NOPCHAP1: variants seen among roughly 807,000 people sequenced by gnomAD.
NOPCHAP1 encodes NOP protein chaperone 1, also known as DNA damage-sensitive RNA 1.
Under a neutral mutation model 14.0 loss-of-function variants are expected in NOPCHAP1, and 13 were observed. The ratio of observed to expected loss-of-function variants is 0.93; its 90% CI spans 0.60 to 1.47. The LOEUF is 1.47. Among genes scored for constraint, NOPCHAP1 ranks in the 40% most tolerant of loss-of-function variants. NOPCHAP1 has a pLI of 0.00. For synonymous variants in NOPCHAP1, 78 were observed against 78.4 expected (o/e 1.00, Z 0.03); for missense variants, 230 against 226.9 (o/e 1.01, Z -0.09).
At chr12:104,986,698 T>G (rs983453437) in intron 1 of NOPCHAP1, among the ~76,000 whole-genome samples, 7 of 152,164 alleles carry the variant, frequency 4.6e-5, no homozygotes, top group African/African-American at 1.7e-4. Context: ...GGTTCTTATA[T>G]TCTGCAAGGT....
chr12:104,986,398 C>A lies in NOPCHAP1; in HGVS notation c.46C>A (p.Pro16Thr), dbSNP rs1419889053. The A allele has an allele frequency of 2.5e-6, 4 of 1,611,894 alleles. No homozygotes were observed. The highest frequency in any genetic ancestry group is 3.3e-5 in the Admixed American group (2 of 59,814). Reference protein sequence around the residue: ...KPKASPSCSSPTRDSSGVPVS... With the variant: ...KPKASPSCSSTTRDSSGVPVS... ...CAAGGCTAGCCCGAGTTGTTCGTCG[C>A]CCACCCGGGATTCCTCAGGAGTCCC... is the stretch of plus-strand genomic sequence containing the variant. The change falls in exon 1 of 4, where the codon CCC becomes ACC. Residue 16 changes from proline (P) to threonine (T), a missense_variant. By Grantham distance (38) the Pro-to-Thr change is conservative. Transcript: ENST00000552951.
At position 104,998,434 on chromosome 12, in the gene NOPCHAP1, G is replaced by C. The variant is rs1873539505; in HGVS notation, c.*3738G>C. On this transcript the variant is annotated 3_prime_UTR_variant, in exon 4 of 4. Coordinates refer to ENST00000552951, the MANE Select transcript of NOPCHAP1 (RefSeq NM_152318.3). The stretch of plus-strand genomic sequence containing the variant: ...TAGTCAACTGGCTTCATTTCTAGAA[G>C]GTTTTCAGGGGCCAAGGCTCAACTC... 1 of 152,114 alleles carries C rather than the reference G, an allele frequency of 6.6e-6. No individual in the cohort carries two copies. The highest frequency in any genetic ancestry group is 2.4e-5 in the African/African-American group (1 of 41,410). The allele number at this position is 152,114 out of a possible 1,614,324, so 9.4% of individuals were successfully genotyped here.
intron 1 of NOPCHAP1, 126 bp downstream of exon 1, chr12:104,986,593 C>A (rs775711979): frequency 3.1e-5 from 23 of 752,778 alleles, no homozygotes; most frequent in Middle Eastern, 4.1e-4. Context: ...GCCCCGGGGA[C>A]TGCTGCGGGG....
At position 105,000,947 on chromosome 12, in the gene NOPCHAP1, G is replaced by A. The variant is rs1044080159; in HGVS notation, c.*6251G>A. ...ATTTCATAAGAAACTAATTTATTTT[G>A]TATTTTCTGTTGGGGTGGATCTAGT... On this transcript the variant is annotated 3_prime_UTR_variant, in exon 4 of 4. Transcript: ENST00000552951. 6.6e-6 allele frequency: 1 copy of A among 151,078 alleles called. No homozygotes were observed. The highest frequency in any genetic ancestry group is 2.4e-5 in the African/African-American group (1 of 41,156). 9.4% of individuals were successfully genotyped at this position (151,078 alleles called of 1,614,324 possible).
Position 104,994,534 on chromosome 12 carries a change from A to G in NOPCHAP1, c.396A>G (p.Glu132=). 5 of 1,613,480 alleles carry G rather than the reference A, an allele frequency of 3.1e-6. No individual in the cohort carries two copies. Among genetic ancestry groups the G allele is most frequent in the Non-Finnish European group, 4.2e-6 (5 of 1,179,620 alleles). Reference sequence around the variant, plus strand: ...ATTCAAAAGAAGTGGACAGTTCAGAAGAGAGTTCACAAGACAGTTCAGAGA... The same window carrying G: ...ATTCAAAAGAAGTGGACAGTTCAGAGGAGAGTTCACAAGACAGTTCAGAGA... The part of the protein sequence containing the change: ...QSDSKEVDSS[E]ESSQDSSENS... Residue 132 remains glutamate, a synonymous_variant, in exon 4 of 4, where the codon GAA becomes GAG. Coordinates refer to ENST00000552951, the MANE Select transcript of NOPCHAP1 (RefSeq NM_152318.3).
chr12:104,988,651 T>G (rs1873302508), intron 2 of NOPCHAP1, among the ~76,000 whole-genome samples: 1 of 152,202 alleles, frequency 6.6e-6, no homozygotes, highest in African/African-American at 2.4e-5. Context: ...GCCAGTTCTC[T>G]TTATTATTCT....
chr12:105,001,142 TA>T lies in NOPCHAP1; in HGVS notation c.*6447del, dbSNP rs1161954684. 2 of 152,138 alleles carry T rather than the reference TA, an allele frequency of 1.3e-5. No homozygotes were observed. The highest frequency in any genetic ancestry group is 4.8e-5 in the African/African-American group (2 of 41,432). The allele number at this position is 152,138 out of a possible 1,614,324, so 9.4% of individuals were successfully genotyped here. On this transcript the variant is annotated 3_prime_UTR_variant, in exon 4 of 4. Transcript: ENST00000552951. ...GTTCGATTAACTGTTTTAGCTGTTT[TA>T]TAACTTGTCCAGTGAAACAGGTTCT... is the stretch of plus-strand genomic sequence containing the variant.
chr12:105,008,706 G>A lies in NOPCHAP1; in HGVS notation c.*14010G>A, dbSNP rs1217507048. ...AGTTTCAGTTTTCTGCATATGGCTA[G>A]CCAGTTTACCCAACACCATTTATTA... On this transcript the variant is annotated 3_prime_UTR_variant, in exon 4 of 4. Coordinates refer to ENST00000552951, the MANE Select transcript of NOPCHAP1 (RefSeq NM_152318.3). 6.6e-6 allele frequency: 1 copy of A among 152,170 alleles called. No individual in the cohort carries two copies. The highest frequency in any genetic ancestry group is 1.5e-5 in the Non-Finnish European group (1 of 68,024). The allele number at this position is 152,170 out of a possible 1,614,324, so 9.4% of individuals were successfully genotyped here.
chr12:104,991,965 C>T, intron 3 of NOPCHAP1, 117 bp downstream of exon 3: 2 of 1,246,416 alleles, frequency 1.6e-6, no homozygotes, highest in Non-Finnish European at 2.2e-6. Flanking sequence ...CTCATGTTTC[C>T]AATGTTGTAT....
rs144931811 is a variant in NOPCHAP1 at position 105,017,086 on chromosome 12, A to G, written c.*22390A>G. ...TTTTGAAGCAAAAATCTCATTCTGAATAAATCTCCCATCTGTTCCAATAAC... is the reference window on the plus strand; with the variant it reads ...TTTTGAAGCAAAAATCTCATTCTGAGTAAATCTCCCATCTGTTCCAATAAC... On this transcript the variant is annotated 3_prime_UTR_variant, in exon 4 of 4. Transcript: ENST00000552951. The G allele has an allele frequency of 1.3e-5, 2 of 152,360 alleles. No individual in the cohort carries two copies. Among genetic ancestry groups the G allele is most frequent in the Non-Finnish European group, 2.9e-5 (2 of 68,030 alleles). 9.4% of individuals were successfully genotyped at this position (152,360 alleles called of 1,614,324 possible).
chr12:104,993,174 T>A (rs755641454), intron 3 of NOPCHAP1, among the ~76,000 whole-genome samples: 6 of 152,218 alleles, frequency 3.9e-5, no homozygotes, highest in Non-Finnish European at 8.8e-5. Flanking sequence ...TTTATATGTA[T>A]TTGTTTATTG....
chr12:104,986,901 C>T (rs761271187), intron 1 of NOPCHAP1, among the ~76,000 whole-genome samples: 3 of 152,174 alleles, frequency 2.0e-5, no homozygotes, highest in Non-Finnish European at 2.9e-5. Flanking sequence ...CACAGACCAC[C>T]CCTTAGTGCT....
In NOPCHAP1 at chr12:105,016,399, T is replaced by G. The variant is rs1873947800; in HGVS notation, c.*21703T>G. 1 of 152,240 alleles carries G rather than the reference T, an allele frequency of 6.6e-6. No homozygotes were observed. The highest frequency in any genetic ancestry group is 6.5e-5 in the Admixed American group (1 of 15,290). 9.4% of individuals were successfully genotyped at this position (152,240 alleles called of 1,614,324 possible). A position where few individuals can be genotyped will look rare whatever the true frequency, so the allele number is the denominator to read the frequency against. On this transcript the variant is annotated 3_prime_UTR_variant, in exon 4 of 4. Coordinates refer to ENST00000552951, the MANE Select transcript of NOPCHAP1 (RefSeq NM_152318.3). ...CCACCACTCATACATATGTAAAGGC[T>G]AATGGAGTTGTAAATGTAACTTTTG...
rs890710105 is a variant in NOPCHAP1, at chr12:105,015,961, A to G, written c.*21265A>G. 9.9e-5 allele frequency: 15 copies of G among 151,740 alleles called. No homozygotes were observed. Among genetic ancestry groups the G allele is most frequent in the Non-Finnish European group, 1.5e-4 (10 of 67,960 alleles). 9.4% of individuals were successfully genotyped at this position (151,740 alleles called of 1,614,324 possible). A position where few individuals can be genotyped will look rare whatever the true frequency, so the allele number is the denominator to read the frequency against. On this transcript the variant is annotated 3_prime_UTR_variant, in exon 4 of 4. Coordinates refer to ENST00000552951, the MANE Select transcript of NOPCHAP1 (RefSeq NM_152318.3). ...GAGTTCCATACCGAAATGCAGGTTTATATTTAGTAAAATAGTCAAGAAAGG... is the reference window on the plus strand; with the variant it reads ...GAGTTCCATACCGAAATGCAGGTTTGTATTTAGTAAAATAGTCAAGAAAGG...
chr12:104,987,660 G>C (rs1370624653), intron 1 of NOPCHAP1, among the ~76,000 whole-genome samples: 4 of 152,164 alleles, frequency 2.6e-5, no homozygotes, highest in Admixed American at 6.5e-5. Flanking sequence ...GGCTGGAAAG[G>C]TAGAGTGGGT....
intron 1 of NOPCHAP1, 50 bp from the exon 2 acceptor site, chr12:104,988,117 T>G: frequency 7.0e-7 from 1 of 1,429,356 alleles, no homozygotes; most frequent in Non-Finnish European, 9.8e-7. Context: ...TGGGCCTTTG[T>G]TTTTTTATGC....
chr12:104,999,436 T>G lies in NOPCHAP1; in HGVS notation c.*4740T>G, dbSNP rs1232198390. ...CCCACCTGGGCATCTAAGGCTGCAC[T>G]GCAAGCAGGGACAGCCAGGCTGAGG... On this transcript the variant is annotated 3_prime_UTR_variant, in exon 4 of 4. Transcript: ENST00000552951. 1 of 152,370 alleles carries G rather than the reference T, an allele frequency of 6.6e-6. No individual in the cohort carries two copies. The highest frequency in any genetic ancestry group is 1.5e-5 in the Non-Finnish European group (1 of 68,204). 9.4% of individuals were successfully genotyped at this position (152,370 alleles called of 1,614,324 possible). A position where few individuals can be genotyped will look rare whatever the true frequency, so the allele number is the denominator to read the frequency against.
intron 2 of NOPCHAP1, among the ~76,000 whole-genome samples, chr12:104,989,054 C>T (rs890908618): frequency 1.3e-5 from 2 of 151,516 alleles, no homozygotes; most frequent in African/African-American, 4.9e-5. Flanking sequence ...TTTGCATTTC[C>T]ACCAGCAAGG....
chr12:105,009,660 G>C lies in NOPCHAP1; in HGVS notation c.*14964G>C, dbSNP rs1873774316. 6.6e-6 allele frequency: 1 copy of C among 152,174 alleles called. No individual in the cohort carries two copies. Among genetic ancestry groups the C allele is most frequent in the African/African-American group, 2.4e-5 (1 of 41,426 alleles). The allele number at this position is 152,174 out of a possible 1,614,324, so 9.4% of individuals were successfully genotyped here. On this transcript the variant is annotated 3_prime_UTR_variant, in exon 4 of 4. Coordinates refer to ENST00000552951, the MANE Select transcript of NOPCHAP1 (RefSeq NM_152318.3). The stretch of plus-strand genomic sequence containing the variant: ...TCCATCAGTACCTAGTTTATTGAGA[G>C]TTTTTAGCATGAAGGGGTGTTGAAT...
Sources: allele counts gnomAD v4.1 joint callset (sites outside exome capture counted in the v4.1 genomes callset), GRCh38; gene constraint gnomAD v4.1.1; transcripts MANE v1.5; gene names NCBI Gene and HGNC (gene_info 2026-07-23, HGNC 2026-07-21).